PPP1R9A: variants seen among roughly 807,000 people sequenced by gnomAD.
The protein encoded by PPP1R9A is neurabin-1.
PPP1R9A carries 59 observed loss-of-function variants against 141.9 expected under a neutral mutation model. The observed-to-expected ratio is 0.42, with a 90% CI of 0.34 to 0.52. The LOEUF (loss-of-function observed/expected upper bound fraction) is 0.52, where lower values mean the gene tolerates loss of function less well. Among genes scored for constraint, PPP1R9A ranks in the 20% least tolerant of loss-of-function variants. The pLI, the probability that PPP1R9A is intolerant of heterozygous loss-of-function variation, is 0.10. For synonymous variants in PPP1R9A, 500 were observed against 569.7 expected (o/e 0.88, Z 1.74); for missense variants, 1,444 against 1,611.9 (o/e 0.90, Z 1.78).
chr7:94,960,308 AG>A lies in PPP1R9A; in HGVS notation c.1395+48801del, dbSNP rs1360129905. ...TTACAAGATGATTCTACTGATCCTA[AG>A]TAAAACTGATCAGTGAAATCTTTTA... On this transcript the variant is annotated intron_variant, in intron 2 of 19. Coordinates refer to ENST00000433360, the MANE Select transcript of PPP1R9A (RefSeq NM_001166160.2). Among the ~76,000 whole-genome samples the A allele has an allele frequency of 7.3e-5, 11 of 151,550 alleles. No individual in the cohort carries two copies. The East Asian group carries it at 1.2e-3, about 16-fold the overall frequency.
intron 2 of PPP1R9A, among the ~76,000 whole-genome samples, chr7:95,081,380 A>G (rs1367542893): frequency 6.6e-6 from 1 of 152,208 alleles, no homozygotes; most frequent in Non-Finnish European, 1.5e-5. Flanking sequence ...ACTGTGTTCC[A>G]TATGTTTTGA....
At chr7:95,160,940 G>A (rs560505842) in intron 4 of PPP1R9A, among the ~76,000 whole-genome samples, 1 of 152,150 alleles carries the variant, frequency 6.6e-6, no homozygotes, top group Non-Finnish European at 1.5e-5. Context: ...TGGACATTTA[G>A]GTTGATTCCA....
chr7:95,126,227 G>A (rs111261861), intron 4 of PPP1R9A, among the ~76,000 whole-genome samples: 1,621 of 152,030 alleles, frequency 0.011, 31 homozygotes, highest in African/African-American at 0.036. Flanking sequence ...TTCTTCTTTG[G>A]TGGCTTTGTT....
At chr7:95,157,747 A>G (rs1829866395) in intron 4 of PPP1R9A, among the ~76,000 whole-genome samples, 1 of 152,220 alleles carries the variant, frequency 6.6e-6, no homozygotes, top group Admixed American at 6.6e-5. Context: ...ATGTTGCCCT[A>G]CTTTTGACCT....
At position 95,194,099 on chromosome 7, in the gene PPP1R9A, T is replaced by C. The variant is rs575784339; in HGVS notation, c.1755-4250T>C. ...TAGTAAGTGATACTCTGTCAAATGCTACTCTATGATGCATTTAAATAAAGA... is the reference window on the plus strand; with the variant it reads ...TAGTAAGTGATACTCTGTCAAATGCCACTCTATGATGCATTTAAATAAAGA... On this transcript the variant is annotated intron_variant, in intron 5 of 19. Coordinates refer to ENST00000433360, the MANE Select transcript of PPP1R9A (RefSeq NM_001166160.2). 2.6e-5 allele frequency among the ~76,000 whole-genome samples: 4 copies of C among 152,186 alleles called. No homozygotes were observed. In the South Asian group the frequency reaches 6.2e-4, roughly 24 times the overall value.
intron 5 of PPP1R9A, among the ~76,000 whole-genome samples, chr7:95,169,407 C>A (rs371625317): frequency 6.6e-6 from 1 of 151,164 alleles, no homozygotes; most frequent in Non-Finnish European, 1.5e-5. Flanking sequence ...TGTGGGTGGG[C>A]GGATGAAGAG....
rs966871010 is a variant in PPP1R9A at position 95,269,085 on chromosome 7, A to G, written c.2824-122A>G. On this transcript the variant is annotated intron_variant, in intron 13 of 19. Coordinates refer to ENST00000433360, the MANE Select transcript of PPP1R9A (RefSeq NM_001166160.2). ...ATGAACCATGCATTCTCATCTGTAA[A>G]TCAACAAAAACTGGTTTTCATGGGG... The G allele has an allele frequency of 6.4e-6, 6 of 930,408 alleles. No individual in the cohort carries two copies. The African/African-American group carries it at 8.4e-5, about 13-fold the overall frequency. 57.6% of individuals were successfully genotyped at this position (930,408 alleles called of 1,614,324 possible).
At chr7:95,111,224 TTC>T in intron 2 of PPP1R9A, 33 bp from the exon 3 acceptor site, 1 of 1,527,088 alleles carries the variant, frequency 6.5e-7, no homozygotes, top group Non-Finnish European at 8.8e-7. Flanking sequence ...TTTTTTTTTT[TTC>T]TGTATTATCA....
chr7:95,205,001 A>G (rs1329005162), intron 7 of PPP1R9A, among the ~76,000 whole-genome samples: 2 of 149,506 alleles, frequency 1.3e-5, no homozygotes, highest in Non-Finnish European at 3.0e-5. Flanking sequence ...CACACACCAT[A>G]CACACCACAC....
intron 2 of PPP1R9A, among the ~76,000 whole-genome samples, chr7:94,934,064 T>C (rs575788227): frequency 2.3e-4 from 35 of 152,342 alleles, no homozygotes; most frequent in South Asian, 1.4e-3. Context: ...TTGAAAACTT[T>C]TGTGAAATAG....
intron 2 of PPP1R9A, among the ~76,000 whole-genome samples, chr7:95,074,205 G>A (rs978190318): frequency 3.3e-5 from 5 of 152,084 alleles, no homozygotes; most frequent in African/African-American, 2.4e-5. Flanking sequence ...TGGCAAAATA[G>A]AGTCATTGTA....
chr7:94,992,457 T>G (rs1045822141), intron 2 of PPP1R9A, among the ~76,000 whole-genome samples: 6 of 152,250 alleles, frequency 3.9e-5, no homozygotes, highest in Admixed American at 6.5e-5. Flanking sequence ...TATACAAATT[T>G]TAATATAAAC....
chr7:95,108,412 G>A (rs556658376), intron 2 of PPP1R9A, among the ~76,000 whole-genome samples: 1 of 135,524 alleles, frequency 7.4e-6, no homozygotes, highest in African/African-American at 2.8e-5. Flanking sequence ...CTGGGTTCAT[G>A]CCATTCTCCT....
chr7:95,066,966 G>C (rs1435105653), intron 2 of PPP1R9A, among the ~76,000 whole-genome samples: 1 of 152,214 alleles, frequency 6.6e-6, no homozygotes, highest in Admixed American at 6.5e-5. Context: ...AACAGGCCAC[G>C]TTAATGGTTG....
chr7:94,988,641 A>T (rs1377469455), intron 2 of PPP1R9A, among the ~76,000 whole-genome samples: 7 of 152,114 alleles, frequency 4.6e-5, no homozygotes, highest in African/African-American at 1.7e-4. Flanking sequence ...ACAGTGGAAA[A>T]GTGAAATGAG....
chr7:95,215,769 A>C (rs540959171), intron 7 of PPP1R9A, among the ~76,000 whole-genome samples: 2 of 152,170 alleles, frequency 1.3e-5, no homozygotes, highest in South Asian at 4.2e-4. Flanking sequence ...ATAAATGTCT[A>C]CTTTTGAGAA....
Position 95,268,615 on chromosome 7 carries a change from C to G in PPP1R9A, c.2731C>G (p.Leu911Val), listed in dbSNP as rs752098500. The G allele has an allele frequency of 6.2e-7, 1 of 1,613,556 alleles. No homozygotes were observed. The highest frequency in any genetic ancestry group is 1.1e-5 in the South Asian group (1 of 91,064). Residue 911 changes from leucine to valine, a missense_variant, in exon 13 of 20, where the codon CTC becomes GTC. Coordinates refer to ENST00000433360, the MANE Select transcript of PPP1R9A (RefSeq NM_001166160.2). ...AAAAGCACTGAAAACTCGAGCCCAG[C>G]TCTCTGTGAAGAACAGACGCCAGAG... The part of the protein sequence containing the change: ...DSKALKTRAQ[L>V]SVKNRRQRPS...
intron 2 of PPP1R9A, among the ~76,000 whole-genome samples, chr7:94,960,157 T>TTC (rs1273141755): frequency 4.6e-5 from 7 of 151,076 alleles, no homozygotes; most frequent in African/African-American, 1.5e-4. Flanking sequence ...ATGGACTTCT[T>TTC]TCTCTCTCTC....
At chr7:95,052,455 A>C (rs1810955914) in intron 2 of PPP1R9A, among the ~76,000 whole-genome samples, 1 of 152,152 alleles carries the variant, frequency 6.6e-6, no homozygotes, top group Non-Finnish European at 1.5e-5. Flanking sequence ...AATCGTACCC[A>C]GGTTTCTGGC....
Sources: gnomAD v4.1 joint callset for allele counts (sites outside exome capture counted in the v4.1 genomes callset) on GRCh38, gnomAD v4.1.1 for gene constraint, MANE v1.5 for transcripts, NCBI Gene and HGNC (gene_info 2026-07-23, HGNC 2026-07-21) for gene names.